GFRA2: variants seen among roughly 807,000 people sequenced by gnomAD.
The protein encoded by GFRA2 is GDNF family receptor alpha-2.
Under a neutral mutation model 48.3 loss-of-function variants are expected in GFRA2, and 17 were observed. The ratio of observed to expected loss-of-function variants is 0.35; its 90% CI spans 0.24 to 0.53. The LOEUF (loss-of-function observed/expected upper bound fraction) is 0.53, where lower values mean the gene tolerates loss of function less well. Ranked by LOEUF, GFRA2 falls within the 20% of genes least tolerant of loss-of-function variation. The probability of loss-of-function intolerance (pLI) is 0.93; values close to 1 mark genes in which losing one functional copy is unlikely to be tolerated. For missense variants in GFRA2, 660 were observed against 637.3 expected (o/e 1.04, Z -0.38); for synonymous variants, 305 against 257.2 (o/e 1.19, Z -1.78).
chr8:21,702,476 G>T (rs1802529431), intron 7 of GFRA2, among the ~76,000 whole-genome samples: 1 of 152,186 alleles, frequency 6.6e-6, no homozygotes, highest in African/African-American at 2.4e-5. Context: ...GGAGCCTGCT[G>T]CCCCACTCAG....
At chr8:21,772,618 C>T (rs1215577762) in intron 3 of GFRA2, among the ~76,000 whole-genome samples, 2 of 152,322 alleles carry the variant, frequency 1.3e-5, no homozygotes, top group East Asian at 3.9e-4. Context: ...GGGACCGGCA[C>T]AGTCCCCAAA....
chr8:21,789,711 C>T (rs2117099076), upstream of GFRA2, among the ~76,000 whole-genome samples: 1 of 152,152 alleles, frequency 6.6e-6, no homozygotes, highest in African/African-American at 2.4e-5. Context: ...TGCCCTCACG[C>T]CCGCGGCGCG....
At chr8:21,806,257 T>C (rs1410484164) in intron 1 of GFRA2, among the ~76,000 whole-genome samples, 1 of 152,218 alleles carries the variant, frequency 6.6e-6, no homozygotes, top group Non-Finnish European at 1.5e-5. Flanking sequence ...AAGAGATACA[T>C]TTTCAGTAGA....
chr8:21,719,698 T>C (rs1431139976), intron 4 of GFRA2, among the ~76,000 whole-genome samples: 1 of 152,178 alleles, frequency 6.6e-6, no homozygotes, highest in Non-Finnish European at 1.5e-5. Context: ...AAGATTTCTT[T>C]CAACTTTCTC....
intron 4 of GFRA2, among the ~76,000 whole-genome samples, chr8:21,746,830 C>T (rs1379779572): frequency 2.0e-5 from 3 of 151,992 alleles, no homozygotes; most frequent in South Asian, 2.1e-4. Flanking sequence ...AGAAAAAATG[C>T]TTCTAGTTCT....
chr8:21,807,555 T>C (rs1807895463), intron 1 of GFRA2, among the ~76,000 whole-genome samples: 1 of 152,244 alleles, frequency 6.6e-6, no homozygotes, highest in Non-Finnish European at 1.5e-5. Flanking sequence ...CTCACAGTTC[T>C]GGAGGCTGGA....
At chr8:21,793,758 C>T (rs1273675208), upstream of GFRA2, among the ~76,000 whole-genome samples, 1 of 152,008 alleles carries the variant, frequency 6.6e-6, no homozygotes, top group Admixed American at 6.6e-5. Flanking sequence ...AGAAAAGTGG[C>T]GGCTCTCCAG....
chr8:21,706,354 G>A (rs567822013), intron 4 of GFRA2: 32 of 506,560 alleles, frequency 6.3e-5, no homozygotes, highest in South Asian at 2.0e-4. Flanking sequence ...GGCTGGAGCC[G>A]GGTGGGTTTG....
At position 21,775,041 on chromosome 8, in the gene GFRA2, C is replaced by T. The variant is rs1585327988; in HGVS notation, c.370G>A (p.Glu124Lys). ...LGLTEGEEFY[E>K]ASPYEPVTSR... is the part of the protein sequence containing the mutation. The stretch of plus-strand genomic sequence containing the variant: ...GTCACCGGCTCATAGGGGGAGGCTT[C>T]GTAGAACTCCTCACCTGGAAGACAG... Residue 124 changes from glutamate (E) to lysine (K), a missense_variant, in exon 3 of 9, where the codon GAA becomes AAA. Physicochemically the swap from Glu to Lys is moderately conservative, Grantham distance 56 (BLOSUM62 1). Coordinates refer to ENST00000524240, the MANE Select transcript of GFRA2 (RefSeq NM_001495.5). 17 of 1,581,848 alleles carry T rather than the reference C, an allele frequency of 1.1e-5. No homozygotes were observed. In the East Asian group the frequency reaches 3.4e-4, roughly 31 times the overall value.
chr8:21,696,479 G>A (rs189848307), intron 7 of GFRA2, among the ~76,000 whole-genome samples: 19 of 152,266 alleles, frequency 1.2e-4, no homozygotes, highest in African/African-American at 4.6e-4. Flanking sequence ...GGGCCCCAGG[G>A]TGGGGCCTGC....
At chr8:21,697,840 C>G (rs1346382381) in intron 7 of GFRA2, among the ~76,000 whole-genome samples, 1 of 152,072 alleles carries the variant, frequency 6.6e-6, no homozygotes, top group Admixed American at 6.5e-5. Context: ...GGGAATTCCC[C>G]TGCACACACT....
intron 4 of GFRA2, chr8:21,706,553 C>A: frequency 4.8e-6 from 2 of 417,080 alleles, no homozygotes; most frequent in Non-Finnish European, 9.7e-6. Flanking sequence ...GCCAGGGAGG[C>A]AAAAGAGTCT....
chr8:21,758,793 T>C (rs532610064), intron 3 of GFRA2, among the ~76,000 whole-genome samples: 39 of 152,210 alleles, frequency 2.6e-4, no homozygotes, highest in African/African-American at 6.0e-4. Context: ...TCTCACCTCA[T>C]TCCTTTGAGC....
At chr8:21,774,664 G>A (rs1806606151) in intron 3 of GFRA2, among the ~76,000 whole-genome samples, 1 of 152,210 alleles carries the variant, frequency 6.6e-6, no homozygotes, top group South Asian at 2.1e-4. Context: ...AGGAGAGCCA[G>A]GGAACTGGAA....
intron 3 of GFRA2, among the ~76,000 whole-genome samples, chr8:21,765,081 T>C (rs745833364): frequency 6.6e-6 from 1 of 151,750 alleles, no homozygotes; most frequent in Non-Finnish European, 1.5e-5. Flanking sequence ...AACCACTTCC[T>C]CTTTCTTTCT....
At chr8:21,776,409 C>T (rs1324807189) in intron 2 of GFRA2, among the ~76,000 whole-genome samples, 1 of 152,032 alleles carries the variant, frequency 6.6e-6, no homozygotes, top group Non-Finnish European at 1.5e-5. Context: ...CCCCGCAACA[C>T]CCAGGACACA....
intron 3 of GFRA2, among the ~76,000 whole-genome samples, chr8:21,759,021 T>C (rs1330408097): frequency 6.6e-6 from 1 of 152,166 alleles, no homozygotes; most frequent in Non-Finnish European, 1.5e-5. Context: ...AATCCAGCTG[T>C]GTGCAGGAAA....
chr8:21,782,945 A>G, intron 1 of GFRA2, 46 bp from the exon 2 acceptor site: 5 of 1,498,602 alleles, frequency 3.3e-6, no homozygotes, highest in Non-Finnish European at 4.5e-6. Flanking sequence ...GGCCGCCACA[A>G]TCTCCCACCC....
At position 21,702,947 on chromosome 8, in the gene GFRA2, G is replaced by A. The variant is rs765796593; in HGVS notation, c.1076C>T (p.Thr359Met). Residue 359 changes from threonine to methionine, a missense_variant, in exon 7 of 9, where the codon ACG becomes ATG. Coordinates refer to ENST00000524240, the MANE Select transcript of GFRA2 (RefSeq NM_001495.5). Reference sequence around the variant, plus strand: ...GCCTTTTGGGGACACGTTCACGTCCGTGCCGTTGCCAAAGGCCTGGATGGC... The same window carrying A: ...GCCTTTTGGGGACACGTTCACGTCCATGCCGTTGCCAAAGGCCTGGATGGC... ...RNAIQAFGNG[T>M]DVNVSPKGPS... 24 of 1,548,588 alleles carry A rather than the reference G, an allele frequency of 1.5e-5. No individual in the cohort carries two copies. The Admixed American group carries it at 1.8e-4, about 12-fold the overall frequency.
Sources: allele counts gnomAD v4.1 joint callset (sites outside exome capture counted in the v4.1 genomes callset), GRCh38; gene constraint gnomAD v4.1.1; transcripts MANE v1.5; gene names NCBI Gene and HGNC (gene_info 2026-07-23, HGNC 2026-07-21).